The following G6PC2 variants were observed in gnomAD, a reference collection of about 807,000 sequenced individuals.
G6PC2 encodes glucose-6-phosphatase catalytic subunit 2.
A neutral mutation model predicts 35.4 loss-of-function variants in G6PC2; 41 were observed. The ratio of observed to expected loss-of-function variants is 1.16; its 90% CI spans 0.90 to 1.50. The LOEUF (loss-of-function observed/expected upper bound fraction) is 1.50. G6PC2 is among the 40% of genes most tolerant of loss of function. The pLI is 0.00. For missense variants in G6PC2, 441 were observed against 426.5 expected, an observed-to-expected ratio of 1.03 and a Z score of -0.30; for synonymous variants, 165 against 153.2, an observed-to-expected ratio of 1.08 and a Z score of -0.57.
chr2:168,908,084 G>A lies in G6PC2; in HGVS notation c.*5G>A, dbSNP rs777732226. On this transcript the variant is annotated 3_prime_UTR_variant, in exon 5 of 5. Coordinates refer to ENST00000375363, the MANE Select transcript of G6PC2 (RefSeq NM_021176.3). ...AGCGGAAAGAAGAGTCAGTAGAGTG[G>A]TGCCTAGAGTTAGTGCTCTGTGTCA... 1 of 1,610,432 alleles carries A rather than the reference G, an allele frequency of 6.2e-7. No homozygotes were observed. The highest frequency in any genetic ancestry group is 1.1e-5 in the South Asian group (1 of 91,010).
At chr2:168,905,724 T>C (rs1303735005) in intron 3 of G6PC2, among the ~76,000 whole-genome samples, 1 of 152,208 alleles carries the variant, frequency 6.6e-6, no homozygotes, top group Non-Finnish European at 1.5e-5. Flanking sequence ...TTTTTAGTTT[T>C]TATAACTGCA....
intron 3 of G6PC2, among the ~76,000 whole-genome samples, chr2:168,905,457 A>G (rs181113897): frequency 6.6e-6 from 1 of 152,324 alleles, no homozygotes; most frequent in East Asian, 1.9e-4. Flanking sequence ...AAAACAAACA[A>G]CTAAAGGAAT....
In G6PC2 at chr2:168,907,558, C is replaced by T. The variant is rs1285316061; in HGVS notation, c.557-10C>T. 6.2e-7 allele frequency: 1 copy of T among 1,613,514 alleles called. No homozygotes were observed. The highest frequency in any genetic ancestry group is 1.3e-5 in the African/African-American group (1 of 74,888). On this transcript the variant is annotated splice_polypyrimidine_tract_variant and intron_variant, in intron 4 of 4. Transcript: ENST00000375363. ...CACAGTCATTGTCAGTGTCTCTTTC[C>T]AATCCTCAGGCATGCTGGTGGCAGA...
chr2:168,908,907 G>A lies in G6PC2; in HGVS notation c.*828G>A, dbSNP rs1690789503. On this transcript the variant is annotated 3_prime_UTR_variant, in exon 5 of 5. Coordinates refer to ENST00000375363, the MANE Select transcript of G6PC2 (RefSeq NM_021176.3). ...CTTCTTACTATATTTGCCCAGGCTG[G>A]TCTTGAACTCCTGGCCTCAAGGAGT... 6.6e-6 allele frequency: 1 copy of A among 152,152 alleles called. No homozygotes were observed. The highest frequency in any genetic ancestry group is 2.1e-4 in the South Asian group (1 of 4,820). 9.4% of individuals were successfully genotyped at this position (152,152 alleles called of 1,614,324 possible). A position where few individuals can be genotyped will look rare whatever the true frequency, so the allele number is the denominator to read the frequency against.
intron 2 of G6PC2, among the ~76,000 whole-genome samples, chr2:168,903,255 T>C (rs1559163819): frequency 1.3e-5 from 2 of 152,224 alleles, no homozygotes. Context: ...TCATTTTACA[T>C]AGCATAACAT....
chr2:168,908,046 G>A lies in G6PC2; in HGVS notation c.1035G>A (p.Met345Ile), dbSNP rs993287550. 3 of 1,613,248 alleles carry A rather than the reference G, an allele frequency of 1.9e-6. No individual in the cohort carries two copies. The highest frequency in any genetic ancestry group is 1.7e-6 in the Non-Finnish European group (2 of 1,179,508). Residue 345 changes from methionine to isoleucine, a missense_variant, in exon 5 of 5, where the codon ATG becomes ATA. Physicochemically the swap from Met to Ile is conservative, Grantham distance 10. Transcript: ENST00000375363. ...VVAFIPYSVH[M>I]LMKQSGKKSQ Reference sequence around the variant, plus strand: ...CTTTCATTCCCTACTCTGTTCATATGTTAATGAAACAAAGCGGAAAGAAGA... The same window carrying A: ...CTTTCATTCCCTACTCTGTTCATATATTAATGAAACAAAGCGGAAAGAAGA...
rs1265870899 is a variant in G6PC2, at chr2:168,909,287, T to TG, written c.*1208_*1209insG. 6.6e-6 allele frequency: 1 copy of TG among 152,204 alleles called. No homozygotes were observed. Among genetic ancestry groups the TG allele is most frequent in the Non-Finnish European group, 1.5e-5 (1 of 68,068 alleles). The allele number at this position is 152,204 out of a possible 1,614,324, so 9.4% of individuals were successfully genotyped here. On this transcript the variant is annotated 3_prime_UTR_variant, in exon 5 of 5. Coordinates refer to ENST00000375363, the MANE Select transcript of G6PC2 (RefSeq NM_021176.3). ...ACCTCTGCTTCACTTCTGGTCTCTG[T>TG]TTTACAGTAGTGCTCACCAATATTT...
chr2:168,907,709 T>C lies in G6PC2; in HGVS notation c.698T>C (p.Leu233Pro). 6.2e-7 allele frequency: 1 copy of C among 1,614,164 alleles called. No homozygotes were observed. Among genetic ancestry groups the C allele is most frequent in the Admixed American group, 1.7e-5 (1 of 60,020 alleles). ...CTTAGGGTGCTCAACATTGACCTGC[T>C]GTGGTCCGTGCCCATAGCCAAAAAG... Reference protein sequence around the residue: ...LLLRVLNIDLLWSVPIAKKWC... With the variant: ...LLLRVLNIDLPWSVPIAKKWC... Residue 233 changes from leucine (L) to proline (P), a missense_variant, in exon 5 of 5, where the codon CTG (leucine) becomes CCG (proline). Transcript: ENST00000375363.
chr2:168,908,351 T>C lies in G6PC2; in HGVS notation c.*272T>C. On this transcript the variant is annotated 3_prime_UTR_variant, in exon 5 of 5. Coordinates refer to ENST00000375363, the MANE Select transcript of G6PC2 (RefSeq NM_021176.3). ...TCTGATAGTATGACAACACAGAGCC[T>C]GCATCCCCAGCTGGAGACAACTGAC... The C allele has an allele frequency of 1.9e-6, 1 of 518,112 alleles. No homozygotes were observed. The allele number at this position is 518,112 out of a possible 1,614,324, so 32.1% of individuals were successfully genotyped here.
In G6PC2 at chr2:168,902,440, T is replaced by C. The variant is rs771517614; in HGVS notation, c.219-5T>C. 5 of 1,119,562 alleles carry C rather than the reference T, an allele frequency of 4.5e-6. No homozygotes were observed. The South Asian group carries it at 6.2e-5, about 14-fold the overall frequency. 69.4% of individuals were successfully genotyped at this position (1,119,562 alleles called of 1,614,324 possible). The stretch of plus-strand genomic sequence containing the variant: ...ATATGCATGTTTATAATTCTTTAAA[T>C]ACAGGATATTATTTGGTCATCGACC... On this transcript the variant is annotated splice_region_variant and splice_polypyrimidine_tract_variant and intron_variant, in intron 1 of 4. Transcript: ENST00000375363.
chr2:168,907,174 C>T (rs941318046), intron 4 of G6PC2, among the ~76,000 whole-genome samples: 2 of 152,130 alleles, frequency 1.3e-5, no homozygotes, highest in African/African-American at 4.8e-5. Context: ...TTACGGACTC[C>T]ATTTAGTAGC....
rs1690810954 is a variant in G6PC2, at chr2:168,909,777, T to A, written c.*1698T>A. The stretch of plus-strand genomic sequence containing the variant: ...ACATTAATTATTTTAGATGACATAT[T>A]AAATAATCTATGAATATTAATGAAA... On this transcript the variant is annotated 3_prime_UTR_variant, in exon 5 of 5. Transcript: ENST00000375363. The A allele has an allele frequency of 6.6e-6, 1 of 152,212 alleles. No homozygotes were observed. 9.4% of individuals were successfully genotyped at this position (152,212 alleles called of 1,614,324 possible).
chr2:168,902,800 T>A, intron 2 of G6PC2: 1 of 527,732 alleles, frequency 1.9e-6, no homozygotes, highest in Non-Finnish European at 3.4e-6. Flanking sequence ...AAATATTTGG[T>A]GTTTACTTTT....
chr2:168,902,449 T>C lies in G6PC2; in HGVS notation c.223T>C (p.Leu75=), dbSNP rs1690618730. 2.4e-6 allele frequency: 3 copies of C among 1,274,302 alleles called. No individual in the cohort carries two copies. Among genetic ancestry groups the C allele is most frequent in the African/African-American group, 1.5e-5 (1 of 68,518 alleles). 78.9% of individuals were successfully genotyped at this position (1,274,302 alleles called of 1,614,324 possible). ...TTTATAATTCTTTAAATACAGGATA[T>C]TATTTGGTCATCGACCTTACTGGTG... ...DWLNLIFKWI[L]FGHRPYWWVQ... The change falls in exon 2 of 5, where the codon TTA becomes CTA. Residue 75 remains leucine, a synonymous_variant. Transcript: ENST00000375363.
rs144254880 is a variant in G6PC2 at position 168,902,462 on chromosome 2, G to A, written c.236G>A (p.Arg79Gln). ...LIFKWILFGH[R>Q]PYWWVQETQI... ...AAATACAGGATATTATTTGGTCATC[G>A]ACCTTACTGGTGGGTCCAAGAAACT... Residue 79 changes from arginine to glutamine, a missense_variant, in exon 2 of 5, where the codon CGA (arginine) becomes CAA (glutamine). By Grantham distance (43) the Arg-to-Gln change is conservative (BLOSUM62 1). Coordinates refer to ENST00000375363, the MANE Select transcript of G6PC2 (RefSeq NM_021176.3). 37 of 1,467,370 alleles carry A rather than the reference G, an allele frequency of 2.5e-5. No homozygotes were observed. Among genetic ancestry groups the A allele is most frequent in the Non-Finnish European group, 3.2e-5 (33 of 1,046,442 alleles). 90.9% of individuals were successfully genotyped at this position (1,467,370 alleles called of 1,614,324 possible). A position where few individuals can be genotyped will look rare whatever the true frequency, so the allele number is the denominator to read the frequency against.
Position 168,904,538 on chromosome 2 carries a change from G to C in G6PC2, c.362G>C (p.Cys121Ser), listed in dbSNP as rs1690666797. The change falls in exon 3 of 5, where the codon TGT becomes TCT. Residue 121 changes from cysteine (C) to serine (S), a missense_variant. Physicochemically the swap from Cys to Ser is moderately radical, Grantham distance 112. Transcript: ENST00000375363. ...SPSGHAMGAS[C>S]VWYVMVTAAL... ...TCTGGCCATGCAATGGGCGCATCCT[G>C]TGTCTGGTATGTCATGGTAACCGCT... 1.2e-6 allele frequency: 2 copies of C among 1,612,084 alleles called. No individual in the cohort carries two copies. Among genetic ancestry groups the C allele is most frequent in the Non-Finnish European group, 8.5e-7 (1 of 1,178,244 alleles).
intron 4 of G6PC2, among the ~76,000 whole-genome samples, chr2:168,907,351 G>T (rs2105856557): frequency 6.6e-6 from 1 of 152,290 alleles, no homozygotes; most frequent in African/African-American, 2.4e-5. Flanking sequence ...ACCAACTCCA[G>T]AACGATCCTT....
intron 3 of G6PC2, among the ~76,000 whole-genome samples, chr2:168,905,780 C>T (rs1690695667): frequency 6.6e-6 from 1 of 151,982 alleles, no homozygotes; most frequent in Admixed American, 6.6e-5. Context: ...TGCTTCTTAC[C>T]TTTACATTAC....
chr2:168,902,433 C>A lies in G6PC2; in HGVS notation c.219-12C>A. The A allele has an allele frequency of 5.8e-6, 6 of 1,027,326 alleles. No homozygotes were observed. Among genetic ancestry groups the A allele is most frequent in the Non-Finnish European group, 9.3e-6 (6 of 644,126 alleles). The allele number at this position is 1,027,326 out of a possible 1,614,324, so 63.6% of individuals were successfully genotyped here. On this transcript the variant is annotated splice_polypyrimidine_tract_variant and intron_variant, in intron 1 of 4. Coordinates refer to ENST00000375363, the MANE Select transcript of G6PC2 (RefSeq NM_021176.3). ...TAAATATATATGCATGTTTATAATT[C>A]TTTAAATACAGGATATTATTTGGTC...
Sources: gnomAD v4.1 joint callset for allele counts (sites outside exome capture counted in the v4.1 genomes callset) on GRCh38, gnomAD v4.1.1 for gene constraint, MANE v1.5 for transcripts, NCBI Gene and HGNC (gene_info 2026-07-23, HGNC 2026-07-21) for gene names.